Variants in CDK12 observed in about 807,000 individuals in gnomAD.
CDK12 encodes the protein cyclin-dependent kinase 12.
A neutral mutation model predicts 133.8 loss-of-function variants in CDK12; 17 were observed. That is an observed-to-expected ratio of 0.13 (90% CI 0.09 to 0.19). The LOEUF (loss-of-function observed/expected upper bound fraction) is 0.19. Ranked by LOEUF, CDK12 falls within the 10% of genes least tolerant of loss-of-function variation. CDK12 has a pLI of 1.00. For missense variants in CDK12, 1,508 were observed against 1,818.7 expected (o/e 0.83, Z 3.11); for synonymous variants, 694 against 683.6 (o/e 1.02, Z -0.24).
rs759189085 is a variant in CDK12 at position 39,471,686 on chromosome 17, T to C, written c.1854T>C (p.Ala618=). The C allele has an allele frequency of 3.1e-6, 5 of 1,614,126 alleles. No individual in the cohort carries two copies. Among genetic ancestry groups the C allele is most frequent in the Non-Finnish European group, 3.4e-6 (4 of 1,179,968 alleles). ...AGACTCAAGTATCTGTAACAGCTGC[T>C]ATTCCACACCTGAAAACTTCAACGT... ...SVKTQVSVTA[A]IPHLKTSTLP... Residue 618 remains alanine (A), a synonymous_variant, in exon 2 of 14, where the codon GCT becomes GCC. Coordinates refer to ENST00000447079, the MANE Select transcript of CDK12 (RefSeq NM_016507.4).
chr17:39,470,824 T>TCCTC, intron 1 of CDK12, 55 bp from the exon 2 acceptor site: 1 of 1,372,256 alleles, frequency 7.3e-7, no homozygotes, highest in South Asian at 1.4e-5. Context: ...TGATCTGTTT[T>TCCTC]CCTCCATATA....
At chr17:39,515,034 T>G (rs1256598233) in intron 8 of CDK12, among the ~76,000 whole-genome samples, 1 of 152,102 alleles carries the variant, frequency 6.6e-6, no homozygotes, top group Non-Finnish European at 1.5e-5. Context: ...CATGTTAGAT[T>G]CACTAGATTC....
chr17:39,498,873 C>CTTTTTCTTTCTTTCTTTCTTTCTT (rs1451805838), intron 5 of CDK12, among the ~76,000 whole-genome samples: 2 of 2,896 alleles, frequency 6.9e-4, no homozygotes, highest in Admixed American at 3.0e-3. Flanking sequence ...CTATGATTTT[C>CTTTTTCTTTCTTTCTTTCTTTCTT]TCTTTCTTTC....
chr17:39,474,816 C>T (rs1487977115), intron 2 of CDK12, among the ~76,000 whole-genome samples: 2 of 113,244 alleles, frequency 1.8e-5, no homozygotes, highest in African/African-American at 7.2e-5. Flanking sequence ...CATTACCAGA[C>T]TGCCAAAATC....
intron 4 of CDK12, among the ~76,000 whole-genome samples, chr17:39,493,155 G>A (rs1161249988): frequency 7.4e-6 from 1 of 136,034 alleles, no homozygotes; most frequent in Admixed American, 8.1e-5. Context: ...AACCACACTC[G>A]ACTAATTTTT....
At chr17:39,490,825 A>G (rs1319712641) in intron 3 of CDK12, 92 bp downstream of exon 3, 21 of 880,168 alleles carry the variant, frequency 2.4e-5, no homozygotes, top group Non-Finnish European at 3.3e-5. Flanking sequence ...CCACACCAGT[A>G]AGATCGTAGA....
At chr17:39,565,510 TG>T (rs1056742021), downstream of CDK12, among the ~76,000 whole-genome samples, 39 of 152,160 alleles carry the variant, frequency 2.6e-4, no homozygotes, top group African/African-American at 9.4e-4. Flanking sequence ...CCCAGCTCAC[TG>T]CAACTTTTGC....
chr17:39,560,988 T>A (rs918895325), intron 3 of CDK12, among the ~76,000 whole-genome samples: 1 of 152,096 alleles, frequency 6.6e-6, no homozygotes, highest in Non-Finnish European at 1.5e-5. Context: ...CACTCCAGCC[T>A]GGGCGACACA....
At chr17:39,489,890 T>G (rs923284990) in intron 2 of CDK12, among the ~76,000 whole-genome samples, 2 of 150,212 alleles carry the variant, frequency 1.3e-5, no homozygotes, top group Non-Finnish European at 3.0e-5. Context: ...TCCTCTTGCC[T>G]CAGCCTCCCA....
chr17:39,492,939 A>C, intron 4 of CDK12, 49 bp downstream of exon 4: 1 of 1,456,216 alleles, frequency 6.9e-7, no homozygotes, highest in Non-Finnish European at 9.5e-7. Context: ...ACAATTTAGC[A>C]ATACTAATAT....
At chr17:39,498,045 C>T (rs796409052) in intron 5 of CDK12, among the ~76,000 whole-genome samples, 8 of 151,250 alleles carry the variant, frequency 5.3e-5, no homozygotes, top group African/African-American at 1.7e-4. Context: ...GCTCTCTCAC[C>T]GAGGCTGGAG....
intron 10 of CDK12, among the ~76,000 whole-genome samples, chr17:39,519,585 C>CTTT (rs36022813): frequency 7.2e-6 from 1 of 138,692 alleles, no homozygotes; most frequent in South Asian, 2.3e-4. Context: ...ATTGCACATC[C>CTTT]TTTTTTTTTT....
rs1203550834 is a variant in CDK12, at chr17:39,463,093, C to G, written c.1022C>G (p.Ser341Cys). The G allele has an allele frequency of 8.1e-6, 13 of 1,613,980 alleles. No homozygotes were observed. The highest frequency in any genetic ancestry group is 2.2e-5 in the East Asian group (1 of 44,900). Residue 341 changes from serine (S) to cysteine (C), a missense_variant, in exon 1 of 14, where the codon TCT (serine) becomes TGT (cysteine). Ser to Cys is a moderately radical substitution (Grantham distance 112). Around this residue, in one of 9 missense-constraint regions of CDK12, gnomAD observed 460 missense variants for 490.8 expected, o/e 0.94. Transcript: ENST00000447079. ...RSSSPFLSKR[S>C]LSRSPLPSRK... is the part of the protein sequence containing the mutation. ...AGCAGCCCTTTCCTGAGCAAGCGGT[C>G]TCTGAGTCGGAGTCCACTCCCCAGG...
chr17:39,532,789 G>T lies in CDK12; in HGVS notation c.*1473G>T. On this transcript the variant is annotated 3_prime_UTR_variant, in exon 14 of 14. Coordinates refer to ENST00000447079, the MANE Select transcript of CDK12 (RefSeq NM_016507.4). ...CTTATCATAAACAGGAAATGAAAAA[G>T]GGAAGGGCTGTCAGGATGGGATAAT... 1 of 232,758 alleles carries T rather than the reference G, an allele frequency of 4.3e-6. No individual in the cohort carries two copies. The allele number at this position is 232,758 out of a possible 1,614,324, so 14.4% of individuals were successfully genotyped here.
chr17:39,529,086 G>A (rs1364723854), intron 13 of CDK12, among the ~76,000 whole-genome samples: 1 of 152,030 alleles, frequency 6.6e-6, no homozygotes, highest in Non-Finnish European at 1.5e-5. Context: ...AAATAACTTG[G>A]GTGGGTACTA....
rs796339159 is a variant in CDK12, at chr17:39,499,226, A to C, written c.2420-2024A>C. Among the ~76,000 whole-genome samples the C allele has an allele frequency of 2.5e-4, 14 of 56,094 alleles. 2 individuals carry two copies. The highest frequency in any genetic ancestry group is 2.2e-3 in the East Asian group (5 of 2,270). The allele number at this position is 56,094 out of a possible 152,430, so 36.8% of individuals were successfully genotyped here. A position where few individuals can be genotyped will look rare whatever the true frequency, so the allele number is the denominator to read the frequency against. The stretch of plus-strand genomic sequence containing the variant: ...TTCTTTCCTTTTTTTTTTTTTTTTG[A>C]GACAGAGTCTTGCTCTTTTTGCCCA... On this transcript the variant is annotated intron_variant, in intron 5 of 13. Transcript: ENST00000447079.
At position 39,526,251 on chromosome 17, in the gene CDK12, G is replaced by A. The variant is rs368249697; in HGVS notation, c.3695G>A (p.Ser1232Asn). ...EPAGSLEENNSDKNSGPQGPR... is the reference protein window; with the variant it reads ...EPAGSLEENNNDKNSGPQGPR... Reference sequence around the variant, plus strand: ...GCAGGCAGTCTGGAGGAAAACAACAGTGACAAGAACAGTGGGCCACAGGGG... The same window carrying A: ...GCAGGCAGTCTGGAGGAAAACAACAATGACAAGAACAGTGGGCCACAGGGG... The change falls in exon 13 of 14, where the codon AGT (serine) becomes AAT (asparagine). Residue 1232 changes from serine to asparagine, a missense_variant. Around this residue, in one of 9 missense-constraint regions of CDK12, gnomAD observed 399 missense variants for 469.6 expected, o/e 0.85. Coordinates refer to ENST00000447079, the MANE Select transcript of CDK12 (RefSeq NM_016507.4). 19 of 1,611,332 alleles carry A rather than the reference G, an allele frequency of 1.2e-5. No homozygotes were observed. Among genetic ancestry groups the A allele is most frequent in the Non-Finnish European group, 1.6e-5 (19 of 1,178,840 alleles).
chr17:39,462,891 T>G lies in CDK12; in HGVS notation c.820T>G (p.Ser274Ala), dbSNP rs1391620399. The G allele has an allele frequency of 1.2e-6, 2 of 1,614,058 alleles. No homozygotes were observed. The highest frequency in any genetic ancestry group is 1.7e-6 in the Non-Finnish European group (2 of 1,180,038). ...TCCTGGAAGTACCTCGAGAAGGCAG[T>G]CGGTCAGTCCCCCTTACAAGGAGCC... ...KSPGSTSRRQ[S>A]VSPPYKEPSA... is the part of the protein sequence containing the mutation. The change falls in exon 1 of 14, where the codon TCG becomes GCG. Residue 274 changes from serine to alanine, a missense_variant. By Grantham distance (99) the Ser-to-Ala change is moderately conservative (BLOSUM62 1). Coordinates refer to ENST00000447079, the MANE Select transcript of CDK12 (RefSeq NM_016507.4).
intron 3 of CDK12, among the ~76,000 whole-genome samples, chr17:39,492,097 T>G (rs2051663960): frequency 6.7e-6 from 1 of 149,810 alleles, no homozygotes; most frequent in South Asian, 2.1e-4. Flanking sequence ...TCATTTTCTT[T>G]TCTTTTTTTT....
Sources: gnomAD v4.1 joint callset for allele counts (sites outside exome capture counted in the v4.1 genomes callset) on GRCh38, gnomAD v4.1.1 for gene constraint, gnomAD v4.1.1 regional missense constraint, MANE v1.5 for transcripts, NCBI Gene and HGNC (gene_info 2026-07-23, HGNC 2026-07-21) for gene names.